The following TBX5 variants were observed in gnomAD, a reference collection of about 807,000 sequenced individuals.
TBX5 encodes T-box transcription factor 5.
TBX5 carries 8 observed loss-of-function variants against 51.1 expected under a neutral mutation model. The observed-to-expected ratio is 0.16, with a 90% CI of 0.09 to 0.28. The LOEUF is 0.28. Among genes scored for constraint, TBX5 ranks in the 10% least tolerant of loss-of-function variants. The probability of loss-of-function intolerance (pLI) is 1.00; values close to 1 mark genes in which losing one functional copy is unlikely to be tolerated. For synonymous variants in TBX5, 302 were observed against 266.4 expected (o/e 1.13, Z -1.30); for missense variants, 589 against 671.7 (o/e 0.88, Z 1.36).
intron 7 of TBX5, 133 bp downstream of exon 7, chr12:114,385,343 C>G: frequency 1.3e-6 from 1 of 796,302 alleles, no homozygotes; most frequent in South Asian, 1.4e-5. Flanking sequence ...GGGGCTCATT[C>G]TCCCCATTTC....
chr12:114,356,191 G>A, intron 8 of TBX5, 85 bp from the exon 9 acceptor site: 1 of 1,297,266 alleles, frequency 7.7e-7, no homozygotes, highest in Non-Finnish European at 1.1e-6. Context: ...CCAAAGTACT[G>A]AAGAATAAGT....
chr12:114,401,628 A>G (rs990463837), intron 3 of TBX5, among the ~76,000 whole-genome samples, 198 bp downstream of exon 3: 5 of 152,280 alleles, frequency 3.3e-5, no homozygotes, highest in South Asian at 2.1e-4. Context: ...GGAGAGATCA[A>G]TGGAGGAATC....
chr12:114,399,032 G>A (rs1485325135), intron 4 of TBX5, among the ~76,000 whole-genome samples: 5 of 152,262 alleles, frequency 3.3e-5, no homozygotes, highest in East Asian at 3.9e-4. Context: ...TTCAACGGGG[G>A]TTTCATCGTC....
At chr12:114,360,233 A>C (rs1319943132) in intron 8 of TBX5, among the ~76,000 whole-genome samples, 6 of 152,140 alleles carry the variant, frequency 3.9e-5, no homozygotes, top group Non-Finnish European at 8.8e-5. Context: ...CTGACTCACA[A>C]AGCAGTGCTC....
chr12:114,408,434 T>G (rs1872363541), upstream of TBX5: 1 of 152,874 alleles, frequency 6.5e-6, no homozygotes, highest in African/African-American at 2.4e-5. Context: ...GTCTCTTGCA[T>G]AAGGCATGGG....
upstream of TBX5, chr12:114,408,117 C>G (rs1249624356): frequency 1.0e-6 from 1 of 985,346 alleles, no homozygotes; most frequent in East Asian, 1.1e-4. Flanking sequence ...ACGAGTCACG[C>G]AACCGGCCCG....
At chr12:114,387,904 A>G (rs1259601382) in intron 6 of TBX5, among the ~76,000 whole-genome samples, 3 of 151,938 alleles carry the variant, frequency 2.0e-5, no homozygotes, top group Non-Finnish European at 4.4e-5. Context: ...CAGTGCGAAC[A>G]TAGCTCACTG....
intron 5 of TBX5, 67 bp downstream of exon 5, chr12:114,398,506 C>CCCA (rs1002663537): frequency 6.3e-7 from 1 of 1,575,340 alleles, no homozygotes; most frequent in Non-Finnish European, 8.6e-7. Context: ...GGGAGAGAAA[C>CCCA]CCAGTGAGAA....
intron 7 of TBX5, among the ~76,000 whole-genome samples, chr12:114,377,806 C>A (rs117865602): frequency 6.6e-6 from 1 of 152,202 alleles, no homozygotes; most frequent in Non-Finnish European, 1.5e-5. Flanking sequence ...CACCCATTTT[C>A]AGAAGCCCTA....
intron 6 of TBX5, among the ~76,000 whole-genome samples, chr12:114,390,507 A>C (rs1380043296): frequency 6.6e-6 from 1 of 152,268 alleles, no homozygotes; most frequent in Non-Finnish European, 1.5e-5. Flanking sequence ...GGTTGTAAAA[A>C]TTAATGAGAA....
chr12:114,407,776 A>G, upstream of TBX5: 5 of 985,414 alleles, frequency 5.1e-6, no homozygotes, highest in Non-Finnish European at 6.0e-6. Flanking sequence ...GCAAAGAGAA[A>G]CCTATTTCCC....
intron 6 of TBX5, among the ~76,000 whole-genome samples, chr12:114,390,284 T>C (rs1473541206): frequency 6.6e-6 from 1 of 152,264 alleles, no homozygotes; most frequent in African/African-American, 2.4e-5. Flanking sequence ...ACCATGTTTA[T>C]AAAGTTCCCT....
intron 7 of TBX5, among the ~76,000 whole-genome samples, chr12:114,380,850 TA>T (rs5801052): frequency 0.014 from 2,056 of 150,574 alleles, 47 homozygotes; most frequent in African/African-American, 0.047. Context: ...TAGTTTTTAT[TA>T]AAAAAAAAAC....
rs148977955 is a variant in TBX5 at position 114,356,069 on chromosome 12, C to T, written c.1020G>A (p.Lys340=). 1.9e-6 allele frequency: 3 copies of T among 1,613,446 alleles called. No homozygotes were observed. Among genetic ancestry groups the T allele is most frequent in the African/African-American group, 2.7e-5 (2 of 74,928 alleles). The part of the protein sequence containing the change: ...ECSTTDHPYK[K]PYMETSPSEE... ...CACTGGGTGATGTCTCCATGTAGGG[C>T]TTCTTATAGGGATGGTCTGTGGTGG... The change falls in exon 9 of 9, where the codon AAG becomes AAA. Residue 340 remains lysine (K), a synonymous_variant. Transcript: ENST00000405440.
chr12:114,371,587 GTTTTTT>G (rs57151200), intron 7 of TBX5, among the ~76,000 whole-genome samples: 1 of 121,718 alleles, frequency 8.2e-6, no homozygotes, highest in Non-Finnish European at 1.7e-5. Context: ...AGATTTTTGT[GTTTTTT>G]TTTTTTTTTT....
rs1235105966 is a variant in TBX5 at position 114,355,914 on chromosome 12, C to T, written c.1175G>A (p.Ser392Asn). 8 of 1,613,814 alleles carry T rather than the reference C, an allele frequency of 5.0e-6. No individual in the cohort carries two copies. In the South Asian group the frequency reaches 8.8e-5, roughly 18 times the overall value. The stretch of plus-strand genomic sequence containing the variant: ...CGTGTTGCAGCTGATGTCCTCTAGG[C>T]TGGGCACAGGCTCGCTGGGGGGCGC... ...SSAPPSEPVP[S>N]LEDISCNTWP... is the part of the protein sequence containing the mutation. Residue 392 changes from serine (S) to asparagine (N), a missense_variant, in exon 9 of 9, where the codon AGC becomes AAC. Transcript: ENST00000405440.
chr12:114,397,910 C>G (rs1871527233), intron 5 of TBX5, among the ~76,000 whole-genome samples: 2 of 152,140 alleles, frequency 1.3e-5, no homozygotes, highest in Admixed American at 1.3e-4. Flanking sequence ...CTGGAACATC[C>G]CAAAATTAAG....
rs3825217 is a variant in TBX5, at chr12:114,400,813, C to A, written c.242+1013G>T. 4.8e-4 allele frequency among the ~76,000 whole-genome samples: 73 copies of A among 152,308 alleles called. No homozygotes were observed. In the East Asian group the frequency reaches 0.014, roughly 28 times the overall value. On this transcript the variant is annotated intron_variant, in intron 3 of 8. Coordinates refer to ENST00000405440, the MANE Select transcript of TBX5 (RefSeq NM_181486.4). ...TAGTTCACTCAGGCCTTGGGCCGAG[C>A]GGGGAGCAGACTTTGTTTAATTTTA...
At chr12:114,399,832 A>T (rs1327808750) in intron 3 of TBX5, among the ~76,000 whole-genome samples, 200 bp from the exon 4 acceptor site, 5 of 152,202 alleles carry the variant, frequency 3.3e-5, no homozygotes, top group Non-Finnish European at 5.9e-5. Flanking sequence ...AGGAGGTAAC[A>T]GCAGGCGGGC....
Sources: gnomAD v4.1 joint callset for allele counts (sites outside exome capture counted in the v4.1 genomes callset) on GRCh38, gnomAD v4.1.1 for gene constraint, MANE v1.5 for transcripts, NCBI Gene and HGNC (gene_info 2026-07-23, HGNC 2026-07-21) for gene names.